The following FARP2 variants were observed in gnomAD, a reference collection of about 807,000 sequenced individuals.
FARP2 encodes FERM, ARH/RhoGEF and pleckstrin domain protein 2.
FARP2 carries 111 observed loss-of-function variants against 130.5 expected under a neutral mutation model. That is an observed-to-expected ratio of 0.85 (90% CI 0.73 to 1.00). The LOEUF is 1.00. Among genes scored for constraint, FARP2 ranks in the 50% least tolerant of loss-of-function variants. The probability of loss-of-function intolerance (pLI) is 0.00; values close to 1 mark genes in which losing one functional copy is unlikely to be tolerated. For synonymous variants in FARP2, 504 were observed against 516.9 expected (o/e 0.98, Z 0.34); for missense variants, 1,385 against 1,346.3 (o/e 1.03, Z -0.45).
intron 2 of FARP2, chr2:241,386,628 T>C (rs938963293): frequency 2.6e-5 from 4 of 152,294 alleles, no homozygotes; most frequent in African/African-American, 9.6e-5. Context: ...GTGCATTGCA[T>C]GTGCAGATTC....
At position 241,462,582 on chromosome 2, in the gene FARP2, A is replaced by G. The variant is rs759478216; in HGVS notation, c.1647A>G (p.Thr549=). The G allele has an allele frequency of 6.2e-7, 1 of 1,613,512 alleles. No homozygotes were observed. The highest frequency in any genetic ancestry group is 1.1e-5 in the South Asian group (1 of 91,064). Residue 549 remains threonine (T), a synonymous_variant, in exon 15 of 27, where the codon ACA becomes ACG. Transcript: ENST00000264042. ...IVKEILATER[T]YLKDLEVITV... ...AAGAGATTCTCGCTACAGAACGAAC[A>G]TACCTCAAGGATTTAGAAGTTATTA... is the stretch of plus-strand genomic sequence containing the variant.
chr2:241,411,175 C>T, intron 6 of FARP2, 45 bp downstream of exon 6: 1 of 1,313,990 alleles, frequency 7.6e-7, no homozygotes, highest in Admixed American at 1.8e-5. Flanking sequence ...GACCATGGCA[C>T]AGATATACCC....
intron 9 of FARP2, 56 bp downstream of exon 9, chr2:241,431,830 AT>A (rs2063099482): frequency 1.3e-5 from 8 of 618,828 alleles, no homozygotes; most frequent in South Asian, 8.2e-5. Context: ...TTATTTATTT[AT>A]TTTTTTGAGA....
chr2:241,474,801 T>TAGTA (rs1553733955), intron 18 of FARP2, among the ~76,000 whole-genome samples: 3 of 140,314 alleles, frequency 2.1e-5, no homozygotes, highest in African/African-American at 8.0e-5. Flanking sequence ...CTAATAATAA[T>TAGTA]AATAAATAAA....
chr2:241,474,661 G>A (rs1265017182), intron 18 of FARP2, among the ~76,000 whole-genome samples: 3 of 151,688 alleles, frequency 2.0e-5, no homozygotes, highest in East Asian at 1.9e-4. Context: ...GCGTTGTGGC[G>A]GGCATCTGTA....
At chr2:241,476,092 G>T in intron 19 of FARP2, 105 bp downstream of exon 19, 1 of 1,129,402 alleles carries the variant, frequency 8.9e-7, no homozygotes, top group Non-Finnish European at 1.3e-6. Flanking sequence ...TATAATTTTG[G>T]CCAGGCACAG....
At chr2:241,483,653 T>A (rs948228129) in intron 20 of FARP2, 120 bp downstream of exon 20, 15 of 1,287,986 alleles carry the variant, frequency 1.2e-5, no homozygotes, top group Non-Finnish European at 1.3e-5. Flanking sequence ...ACTTGGAGGC[T>A]TTGGTCCAGG....
In FARP2 at chr2:241,393,810, T is replaced by A. The variant is rs192342105; in HGVS notation, c.184-10018T>A. Among the ~76,000 whole-genome samples the A allele has an allele frequency of 3.1e-4, 48 of 152,384 alleles. No individual in the cohort carries two copies. In the East Asian group the frequency reaches 5.0e-3, roughly 16 times the overall value. On this transcript the variant is annotated intron_variant, in intron 2 of 26. Coordinates refer to ENST00000264042, the MANE Select transcript of FARP2 (RefSeq NM_014808.4). Reference sequence around the variant, plus strand: ...TAATAGTTTTGTAAATGTAAGTTTTTAACAATATTGTTTATACCTAAGCCT... The same window carrying A: ...TAATAGTTTTGTAAATGTAAGTTTTAAACAATATTGTTTATACCTAAGCCT...
At chr2:241,357,192 G>A (rs1575438451) in intron 1 of FARP2, among the ~76,000 whole-genome samples, 1 of 152,332 alleles carries the variant, frequency 6.6e-6, no homozygotes, top group Middle Eastern at 3.4e-3. Context: ...AAAACCCAAG[G>A]CCAAATCTTT....
chr2:241,462,462 C>T (rs1332283310), intron 14 of FARP2, 61 bp from the exon 15 acceptor site: 12 of 1,227,800 alleles, frequency 9.8e-6, no homozygotes, highest in Non-Finnish European at 1.1e-5. Flanking sequence ...TTCAGGCTCC[C>T]TGAGCGTGGG....
intron 2 of FARP2, among the ~76,000 whole-genome samples, chr2:241,397,175 G>C (rs981060790): frequency 6.6e-6 from 1 of 152,100 alleles, no homozygotes; most frequent in African/African-American, 2.4e-5. Context: ...CACACTCTGG[G>C]GACTGTTGTG....
intron 19 of FARP2, among the ~76,000 whole-genome samples, chr2:241,479,590 G>A (rs1574903257): frequency 6.6e-6 from 1 of 152,228 alleles, no homozygotes; most frequent in African/African-American, 2.4e-5. Context: ...GACAGTCAAG[G>A]CTTTTCAATT....
intron 18 of FARP2, 79 bp downstream of exon 18, chr2:241,468,456 G>A (rs2064231624): frequency 2.8e-6 from 3 of 1,069,108 alleles, no homozygotes; most frequent in East Asian, 2.5e-5. Context: ...CAGACCTGAA[G>A]ACTTCCTTCA....
intron 21 of FARP2, among the ~76,000 whole-genome samples, chr2:241,484,697 C>G (rs1035368526): frequency 1.3e-5 from 2 of 152,208 alleles, no homozygotes; most frequent in African/African-American, 4.8e-5. Flanking sequence ...GACATCCATG[C>G]CAGCCCTCTG....
chr2:241,384,531 A>C (rs1358562158), intron 2 of FARP2, among the ~76,000 whole-genome samples: 1 of 152,192 alleles, frequency 6.6e-6, no homozygotes, highest in Non-Finnish European at 1.5e-5. Flanking sequence ...GATCAATCTA[A>C]AATATATTTC....
rs1006161892 is a variant in FARP2 at position 241,459,903 on chromosome 2, G to T, written c.1588-2620G>T. Reference sequence around the variant, plus strand: ...CTGACTCCCCTGTGACCCACTGGTGGCACCTGTGATGAGAAGTCTCATCAG... The same window carrying T: ...CTGACTCCCCTGTGACCCACTGGTGTCACCTGTGATGAGAAGTCTCATCAG... On this transcript the variant is annotated intron_variant, in intron 14 of 26. Coordinates refer to ENST00000264042, the MANE Select transcript of FARP2 (RefSeq NM_014808.4). This position sits in a 1 kb window ranked among gnomAD's most constrained non-coding sequence, Gnocchi z 5.3. Among the ~76,000 whole-genome samples the T allele has an allele frequency of 1.3e-5, 2 of 152,158 alleles. No homozygotes were observed. Among genetic ancestry groups the T allele is most frequent in the Non-Finnish European group, 2.9e-5 (2 of 68,028 alleles).
chr2:241,398,159 G>A lies in FARP2; in HGVS notation c.184-5669G>A, dbSNP rs752001005. ...TTTTCCTTTTAATTACATTCTTATT[G>A]AAATATAACTTACATAAGAAAGTGC... On this transcript the variant is annotated intron_variant, in intron 2 of 26. Coordinates refer to ENST00000264042, the MANE Select transcript of FARP2 (RefSeq NM_014808.4). Among the ~76,000 whole-genome samples, 17 of 151,978 alleles carry A rather than the reference G, an allele frequency of 1.1e-4. 1 individual carries two copies. The highest frequency in any genetic ancestry group is 6.2e-4 in the South Asian group (3 of 4,816).
chr2:241,379,750 G>A (rs886386060), intron 2 of FARP2, among the ~76,000 whole-genome samples: 4 of 152,212 alleles, frequency 2.6e-5, no homozygotes, highest in African/African-American at 9.6e-5. Flanking sequence ...TCTGACCTCA[G>A]AAGAAAAAGT....
chr2:241,430,954 T>G (rs2063074326), intron 8 of FARP2, among the ~76,000 whole-genome samples: 1 of 151,600 alleles, frequency 6.6e-6, no homozygotes, highest in Admixed American at 6.6e-5. Flanking sequence ...GAATGGAGAT[T>G]GTACCACTGC....
Sources: gnomAD v4.1 joint callset for allele counts (sites outside exome capture counted in the v4.1 genomes callset) on GRCh38, gnomAD v4.1.1 for gene constraint, Gnocchi (gnomAD v3.1) non-coding constraint, MANE v1.5 for transcripts, NCBI Gene and HGNC (gene_info 2026-07-23, HGNC 2026-07-21) for gene names.